The following PTPRM variants were observed in gnomAD, a reference collection of about 807,000 sequenced individuals.
PTPRM encodes protein tyrosine phosphatase receptor type M, also known as receptor-type tyrosine-protein phosphatase mu.
Under a neutral mutation model 186.7 loss-of-function variants are expected in PTPRM, and 47 were observed. That is an observed-to-expected ratio of 0.25 (90% CI 0.20 to 0.32). The LOEUF (loss-of-function observed/expected upper bound fraction) is 0.32. Ranked by LOEUF, PTPRM falls within the 10% of genes least tolerant of loss-of-function variation. PTPRM has a pLI of 1.00. For synonymous variants in PTPRM, 668 were observed against 674.9 expected, an observed-to-expected ratio of 0.99 and a Z score of 0.16; for missense variants, 1,494 against 1,865.0, an observed-to-expected ratio of 0.80 and a Z score of 3.66.
chr18:8,007,359 G>T (rs531394742), intron 7 of PTPRM, among the ~76,000 whole-genome samples: 1 of 151,992 alleles, frequency 6.6e-6, no homozygotes, highest in African/African-American at 2.4e-5. Flanking sequence ...GAATCATGTG[G>T]ATCAGATTGT....
At chr18:8,114,761 A>T (rs780569293) in intron 12 of PTPRM, 30 bp from the exon 13 acceptor site, 6 of 1,570,872 alleles carry the variant, frequency 3.8e-6, no homozygotes, top group Non-Finnish European at 4.4e-6. Context: ...AACATGAATA[A>T]TGATTTTTCC....
chr18:8,400,953 C>G (rs1411242661), intron 32 of PTPRM, among the ~76,000 whole-genome samples: 2 of 152,120 alleles, frequency 1.3e-5, no homozygotes, highest in African/African-American at 2.4e-5. Flanking sequence ...CCCCAATCCA[C>G]ACTCCAGGCA....
At chr18:7,634,904 G>T (rs1221096150) in intron 1 of PTPRM, among the ~76,000 whole-genome samples, 1 of 152,060 alleles carries the variant, frequency 6.6e-6, no homozygotes. Flanking sequence ...AACAAATTAG[G>T]ATATGTTATT....
At chr18:8,269,402 T>C (rs1440465168) in intron 19 of PTPRM, among the ~76,000 whole-genome samples, 1 of 151,382 alleles carries the variant, frequency 6.6e-6, no homozygotes, top group Non-Finnish European at 1.5e-5. Flanking sequence ...TACAAATAAG[T>C]GGAAAGAAAT....
chr18:7,661,080 T>C (rs2038969856), intron 1 of PTPRM, among the ~76,000 whole-genome samples: 1 of 152,168 alleles, frequency 6.6e-6, no homozygotes. Context: ...CAGAAATATG[T>C]TTTGAAGAAC....
In PTPRM at chr18:8,211,441, C is replaced by T. The variant is rs1408454294; in HGVS notation, c.2301-32617C>T. ...ACAGAGTCTCGCCCTGTCGCCCAGG[C>T]TGGAGTGTGTGGAGTGCAGTGGTGT... is the stretch of plus-strand genomic sequence containing the variant. On this transcript the variant is annotated intron_variant, in intron 14 of 32. Transcript: ENST00000580170. 2.2e-5 allele frequency among the ~76,000 whole-genome samples: 3 copies of T among 133,484 alleles called. No individual in the cohort carries two copies. In the East Asian group the frequency reaches 6.4e-4, roughly 28 times the overall value. 87.6% of individuals were successfully genotyped at this position (133,484 alleles called of 152,430 possible).
At chr18:8,073,172 C>T (rs1195707429) in intron 8 of PTPRM, among the ~76,000 whole-genome samples, 1 of 152,240 alleles carries the variant, frequency 6.6e-6, no homozygotes, top group African/African-American at 2.4e-5. Context: ...TTTACATCTG[C>T]ACATGGATTA....
chr18:8,168,953 A>T (rs1182058941), intron 14 of PTPRM, among the ~76,000 whole-genome samples: 1 of 152,214 alleles, frequency 6.6e-6, no homozygotes, highest in Non-Finnish European at 1.5e-5. Context: ...CAGATTCACT[A>T]TAATATTATG....
intron 20 of PTPRM, among the ~76,000 whole-genome samples, chr18:8,310,534 C>T (rs748475599): frequency 1.3e-5 from 2 of 149,720 alleles, no homozygotes; most frequent in Non-Finnish European, 3.0e-5. Flanking sequence ...ATCTCCTGGA[C>T]TTGAAATTTA....
chr18:7,852,271 A>C (rs1329283399), intron 2 of PTPRM, among the ~76,000 whole-genome samples: 1 of 152,170 alleles, frequency 6.6e-6, no homozygotes, highest in African/African-American at 2.4e-5. Flanking sequence ...AAGATATAGA[A>C]AGGATGCAAT....
intron 2 of PTPRM, among the ~76,000 whole-genome samples, chr18:7,881,183 C>G (rs1001587905): frequency 6.6e-6 from 1 of 152,130 alleles, no homozygotes; most frequent in Non-Finnish European, 1.5e-5. Flanking sequence ...CATCTGTAAT[C>G]ACAGCACTTG....
intron 23 of PTPRM, among the ~76,000 whole-genome samples, chr18:8,357,799 T>G (rs73382272): frequency 0.021 from 3,180 of 152,208 alleles, 119 homozygotes; most frequent in African/African-American, 0.072. Flanking sequence ...ACATATACAA[T>G]TATAAAACAA....
intron 7 of PTPRM, among the ~76,000 whole-genome samples, chr18:7,977,468 G>A (rs532558871): frequency 3.9e-5 from 6 of 152,190 alleles, no homozygotes; most frequent in South Asian, 2.1e-4. Context: ...CAGAGGCACC[G>A]ATGGCCTTTG....
intron 1 of PTPRM, among the ~76,000 whole-genome samples, chr18:7,702,442 T>C (rs1376998084): frequency 6.6e-6 from 1 of 152,238 alleles, no homozygotes; most frequent in East Asian, 1.9e-4. Flanking sequence ...TAATGACCAG[T>C]GATGATGAGG....
intron 14 of PTPRM, among the ~76,000 whole-genome samples, chr18:8,200,979 T>G (rs2093847317): frequency 1.3e-5 from 2 of 152,162 alleles, no homozygotes; most frequent in Admixed American, 6.5e-5. Flanking sequence ...TTTCTCCTAT[T>G]AATTAATATG....
At chr18:7,592,709 G>T (rs1341078394) in intron 1 of PTPRM, among the ~76,000 whole-genome samples, 2 of 152,186 alleles carry the variant, frequency 1.3e-5, no homozygotes, top group African/African-American at 2.4e-5. Context: ...AAAAATTGGA[G>T]TGTGTGCTAT....
intron 1 of PTPRM, among the ~76,000 whole-genome samples, chr18:7,625,166 A>C (rs1290561849): frequency 6.6e-6 from 1 of 152,208 alleles, no homozygotes; most frequent in Non-Finnish European, 1.5e-5. Context: ...AGACTAAGAA[A>C]ACATAAAGGT....
At chr18:7,722,551 T>TA (rs1218263907) in intron 1 of PTPRM, among the ~76,000 whole-genome samples, 6 of 152,142 alleles carry the variant, frequency 3.9e-5, no homozygotes, top group African/African-American at 1.4e-4. Context: ...AATTCACTTA[T>TA]AAATTGGATA....
chr18:8,205,047 C>G (rs927625855), intron 14 of PTPRM, among the ~76,000 whole-genome samples: 6 of 152,120 alleles, frequency 3.9e-5, no homozygotes, highest in Admixed American at 1.3e-4. Context: ...TATTGTGTGG[C>G]TAAATGATTT....
Sources: allele counts gnomAD v4.1 joint callset (sites outside exome capture counted in the v4.1 genomes callset), GRCh38; gene constraint gnomAD v4.1.1; transcripts MANE v1.5; gene names NCBI Gene and HGNC (gene_info 2026-07-23, HGNC 2026-07-21).